NPAS2: variants seen among roughly 807,000 people sequenced by gnomAD.
NPAS2 encodes the protein neuronal PAS domain protein 2, also known as neuronal PAS domain-containing protein 2.
In NPAS2, 23 loss-of-function variants were observed where a neutral mutation model predicts 107.5. The ratio of observed to expected loss-of-function variants is 0.21; its 90% CI spans 0.15 to 0.30. The LOEUF (loss-of-function observed/expected upper bound fraction) is 0.30. NPAS2 is among the 10% of genes least tolerant of loss of function. The pLI, the probability that NPAS2 is intolerant of heterozygous loss-of-function variation, is 1.00. For synonymous variants in NPAS2, 403 were observed against 417.5 expected (o/e 0.97, Z 0.42); for missense variants, 756 against 1,043.3 (o/e 0.72, Z 3.79).
At chr2:100,905,215 G>A (rs1682070167) in intron 2 of NPAS2, among the ~76,000 whole-genome samples, 8 of 152,150 alleles carry the variant, frequency 5.3e-5, no homozygotes. Context: ...GCCACACAGT[G>A]AGCATGCAGT....
At chr2:100,831,745 ATCT>A (rs1314281000) in intron 1 of NPAS2, among the ~76,000 whole-genome samples, 6 of 152,254 alleles carry the variant, frequency 3.9e-5, no homozygotes, top group Middle Eastern at 3.4e-3. Context: ...GCAAAATAAA[ATCT>A]TCTTTACTTT....
Position 100,996,021 on chromosome 2 carries a change from A to G in NPAS2, c.*439A>G. 9.2e-7 allele frequency: 1 copy of G among 1,087,180 alleles called. No individual in the cohort carries two copies. Among genetic ancestry groups the G allele is most frequent in the Non-Finnish European group, 1.2e-6 (1 of 848,280 alleles). 67.3% of individuals were successfully genotyped at this position (1,087,180 alleles called of 1,614,324 possible). A position where few individuals can be genotyped will look rare whatever the true frequency, so the allele number is the denominator to read the frequency against. Reference sequence around the variant, plus strand: ...ACTGGGTCAGAGATCTGTTGGAGAGAGAGAATAAAGAGATTATTTTTCATT... The same window carrying G: ...ACTGGGTCAGAGATCTGTTGGAGAGGGAGAATAAAGAGATTATTTTTCATT... On this transcript the variant is annotated 3_prime_UTR_variant, in exon 21 of 21. Transcript: ENST00000335681.
At chr2:100,845,109 C>T (rs548427907) in intron 1 of NPAS2, among the ~76,000 whole-genome samples, 103 of 152,264 alleles carry the variant, frequency 6.8e-4, no homozygotes, top group African/African-American at 2.3e-3. Flanking sequence ...TGGTAACTAA[C>T]TAGAAATGGG....
At chr2:100,903,178 C>G (rs1232298981) in intron 1 of NPAS2, among the ~76,000 whole-genome samples, 1 of 152,186 alleles carries the variant, frequency 6.6e-6, no homozygotes, top group African/African-American at 2.4e-5. Flanking sequence ...ACAGCGTGGC[C>G]GGGTCCTTGC....
chr2:100,822,337 T>A (rs886607296), intron 1 of NPAS2, among the ~76,000 whole-genome samples: 2 of 152,226 alleles, frequency 1.3e-5, no homozygotes, highest in South Asian at 2.1e-4. Flanking sequence ...AAACAACAAT[T>A]GTTTTTAAGC....
At chr2:100,843,547 T>C (rs1232122925) in intron 1 of NPAS2, among the ~76,000 whole-genome samples, 1 of 152,138 alleles carries the variant, frequency 6.6e-6, no homozygotes, top group Admixed American at 6.5e-5. Flanking sequence ...AAGTTTTCAG[T>C]ATGTTTTGAG....
intron 16 of NPAS2, chr2:100,985,763 T>A (rs990647215): frequency 1.1e-4 from 16 of 150,728 alleles, no homozygotes; most frequent in African/African-American, 3.9e-4. Context: ...AATGTCACTA[T>A]TTTTTTTTAA....
intron 1 of NPAS2, among the ~76,000 whole-genome samples, chr2:100,897,825 G>C (rs563636446): frequency 2.6e-5 from 4 of 152,342 alleles, no homozygotes; most frequent in Middle Eastern, 3.4e-3. Flanking sequence ...CACCATGAGA[G>C]TAGCGGCTTT....
At chr2:100,937,957 G>A (rs1684442226) in intron 5 of NPAS2, 115 bp downstream of exon 5, 2 of 870,834 alleles carry the variant, frequency 2.3e-6, no homozygotes, top group East Asian at 2.5e-5. Flanking sequence ...GTGAGAAGAG[G>A]GCGGAGAGTA....
chr2:100,871,825 G>A (rs1045174901), intron 1 of NPAS2, among the ~76,000 whole-genome samples: 1 of 152,074 alleles, frequency 6.6e-6, no homozygotes, highest in Non-Finnish European at 1.5e-5. Flanking sequence ...CATTGTAGTA[G>A]CTTGCCCTTG....
At chr2:100,992,927 T>G (rs1678218786) in intron 19 of NPAS2, among the ~76,000 whole-genome samples, 1 of 151,110 alleles carries the variant, frequency 6.6e-6, no homozygotes, top group South Asian at 2.1e-4. Flanking sequence ...TGGACAAAAG[T>G]TTCTTTTTTT....
chr2:100,832,415 C>T (rs959186240), intron 1 of NPAS2, among the ~76,000 whole-genome samples: 1 of 152,188 alleles, frequency 6.6e-6, no homozygotes, highest in African/African-American at 2.4e-5. Context: ...TCCTCCTCAG[C>T]CAAGGCCTGC....
At chr2:100,992,892 T>C (rs1187652549) in intron 19 of NPAS2, among the ~76,000 whole-genome samples, 1 of 101,306 alleles carries the variant, frequency 9.9e-6, no homozygotes, top group Non-Finnish European at 2.5e-5. Flanking sequence ...TTCCCTCTGT[T>C]GATAGTGTTG....
chr2:100,917,672 A>G (rs974670508), intron 2 of NPAS2, among the ~76,000 whole-genome samples: 22 of 152,236 alleles, frequency 1.4e-4, no homozygotes, highest in Non-Finnish European at 4.4e-5. Context: ...AGGAAATACT[A>G]TGAACAATTA....
chr2:100,820,885 G>T lies in NPAS2; in HGVS notation c.-23+471G>T. On this transcript the variant is annotated intron_variant, in intron 1 of 20. Coordinates refer to ENST00000335681, the MANE Select transcript of NPAS2 (RefSeq NM_002518.4). This position sits in a 1 kb window ranked among gnomAD's most constrained non-coding sequence, Gnocchi z 5.6. ...CGCGCCCTGGGCCCGCGGTCTCTCGGAGTCCCTGGGTCGGAATTGGTTCCG... is the reference window on the plus strand; with the variant it reads ...CGCGCCCTGGGCCCGCGGTCTCTCGTAGTCCCTGGGTCGGAATTGGTTCCG... 1 of 438,538 alleles carries T rather than the reference G, an allele frequency of 2.3e-6. No homozygotes were observed. The highest frequency in any genetic ancestry group is 2.1e-5 in the South Asian group (1 of 47,572). The allele number at this position is 438,538 out of a possible 1,614,324, so 27.2% of individuals were successfully genotyped here.
chr2:100,918,517 A>G (rs1683025390), intron 2 of NPAS2, among the ~76,000 whole-genome samples: 1 of 152,228 alleles, frequency 6.6e-6, no homozygotes, highest in African/African-American at 2.4e-5. Flanking sequence ...AAAGACTTGT[A>G]TCCAGAAAAT....
chr2:100,993,410 C>T lies in NPAS2; in HGVS notation c.2175C>T (p.Ala725=), dbSNP rs1239146293. 6.2e-7 allele frequency: 1 copy of T among 1,613,048 alleles called. No homozygotes were observed. The highest frequency in any genetic ancestry group is 8.5e-7 in the Non-Finnish European group (1 of 1,179,232). ...PDAHPANSSS[A]PMPVLLMGQA... Reference sequence around the variant, plus strand: ...CACACCCCGCCAACAGCAGCAGCGCCCCGATGCCCGTCCTGCTGATGGGGC... The same window carrying T: ...CACACCCCGCCAACAGCAGCAGCGCTCCGATGCCCGTCCTGCTGATGGGGC... The change falls in exon 20 of 21, where the codon GCC becomes GCT. Residue 725 remains alanine, a synonymous_variant. Coordinates refer to ENST00000335681, the MANE Select transcript of NPAS2 (RefSeq NM_002518.4).
At chr2:100,967,505 C>A (rs1360714309) in intron 10 of NPAS2, among the ~76,000 whole-genome samples, 1 of 152,140 alleles carries the variant, frequency 6.6e-6, no homozygotes, top group Non-Finnish European at 1.5e-5. Context: ...GGATTACAGG[C>A]ATGAGCCCCT....
chr2:100,965,013 T>G lies in NPAS2; in HGVS notation c.800+70T>G, dbSNP rs1676131511. On this transcript the variant is annotated intron_variant, in intron 9 of 20. Coordinates refer to ENST00000335681, the MANE Select transcript of NPAS2 (RefSeq NM_002518.4). The surrounding 1 kb of genome is among the most constrained non-coding windows in gnomAD (Gnocchi z 4.3). ...CTTGTTTGCGTGAGCCAGGCTCTCCTTGGGAGAGAAGAGTCGGCCCTGGTC... is the reference window on the plus strand; with the variant it reads ...CTTGTTTGCGTGAGCCAGGCTCTCCGTGGGAGAGAAGAGTCGGCCCTGGTC... 1 of 1,047,330 alleles carries G rather than the reference T, an allele frequency of 9.5e-7. No individual in the cohort carries two copies. Among genetic ancestry groups the G allele is most frequent in the Non-Finnish European group, 1.4e-6 (1 of 714,732 alleles). 64.9% of individuals were successfully genotyped at this position (1,047,330 alleles called of 1,614,324 possible). A position where few individuals can be genotyped will look rare whatever the true frequency, so the allele number is the denominator to read the frequency against.
Sources: gnomAD v4.1 joint callset for allele counts (sites outside exome capture counted in the v4.1 genomes callset) on GRCh38, gnomAD v4.1.1 for gene constraint, Gnocchi (gnomAD v3.1) non-coding constraint, MANE v1.5 for transcripts, NCBI Gene and HGNC (gene_info 2026-07-23, HGNC 2026-07-21) for gene names.